Variants in CABYR observed in about 807,000 individuals in gnomAD.
The protein encoded by CABYR is calcium binding tyrosine phosphorylation regulated.
A neutral mutation model predicts 36.1 loss-of-function variants in CABYR; 31 were observed. That is an observed-to-expected ratio of 0.86 (90% CI 0.64 to 1.16). The LOEUF (loss-of-function observed/expected upper bound fraction) is 1.16. CABYR is among the 50% of genes most tolerant of loss of function. CABYR has a pLI of 0.00. For synonymous variants in CABYR, 146 were observed against 160.7 expected (o/e 0.91, Z 0.69); for missense variants, 429 against 455.8 (o/e 0.94, Z 0.53).
At chr18:24,159,320 A>G (rs2085883276) in intron 4 of CABYR, 152 bp from the exon 5 acceptor site, 1 of 633,634 alleles carries the variant, frequency 1.6e-6, no homozygotes, top group Non-Finnish European at 2.8e-6. Flanking sequence ...TTCACCTGTC[A>G]AACACGATTA....
chr18:24,155,508 G>A (rs962902883), intron 3 of CABYR, among the ~76,000 whole-genome samples, 193 bp from the exon 4 acceptor site: 2 of 152,036 alleles, frequency 1.3e-5, no homozygotes, highest in African/African-American at 4.8e-5. Flanking sequence ...GTGGTGGGTA[G>A]AGATGGGGTC....
intron 5 of CABYR, among the ~76,000 whole-genome samples, chr18:24,161,149 C>T (rs1343848576): frequency 2.0e-5 from 3 of 150,560 alleles, no homozygotes; most frequent in Non-Finnish European, 4.4e-5. Context: ...GTGTTATACA[C>T]CAATTAGTTA....
At chr18:24,140,419 A>T (rs1003080102) in intron 1 of CABYR, among the ~76,000 whole-genome samples, 34 of 152,258 alleles carry the variant, frequency 2.2e-4, no homozygotes, top group South Asian at 4.1e-4. Flanking sequence ...CTGATTTTTT[A>T]AAAAATTCTT....
At position 24,156,042 on chromosome 18, in the gene CABYR, G is replaced by C. The variant is rs1212673188; in HGVS notation, c.541G>C (p.Ala181Pro). The change falls in exon 4 of 6, where the codon GCA (alanine) becomes CCA (proline). Residue 181 changes from alanine to proline, a missense_variant and splice_region_variant. Transcript: ENST00000399496. ...DPAQLAAQML[A>P]MATSERGQPP... ...AGCTCAGCTTGCTGCTCAGATGTTAGGTAAAGTTTCATCTATTCATTCTGA... is the reference window on the plus strand; with the variant it reads ...AGCTCAGCTTGCTGCTCAGATGTTACGTAAAGTTTCATCTATTCATTCTGA... The C allele has an allele frequency of 5.0e-6, 8 of 1,614,180 alleles. No individual in the cohort carries two copies. Among genetic ancestry groups the C allele is most frequent in the African/African-American group, 1.3e-5 (1 of 75,056 alleles).
Position 24,149,775 on chromosome 18 carries a change from C to A in CABYR, c.200-5926C>A, listed in dbSNP as rs2085569401. Among the ~76,000 whole-genome samples, 2 of 152,252 alleles carry A rather than the reference C, an allele frequency of 1.3e-5. 1 individual carries two copies. The highest frequency in any genetic ancestry group is 4.1e-4 in the South Asian group (2 of 4,838). On this transcript the variant is annotated intron_variant, in intron 3 of 5. Transcript: ENST00000399496. ...TGGCACTGCTGGGGGACCCAGTACA[C>A]CCTATGCAGCCACTGGCCTGGGTGC...
chr18:24,145,028 T>C (rs2085426190), intron 3 of CABYR, among the ~76,000 whole-genome samples: 1 of 152,246 alleles, frequency 6.6e-6, no homozygotes, highest in African/African-American at 2.4e-5. Context: ...ATAGACCTCA[T>C]GTGCCATATA....
In CABYR at chr18:24,143,359, G is replaced by C; in HGVS notation, c.146-1G>C. ...TTGATTTCCTGTATTGATTCCTTCAGGGAATACTACTATGGATATAAAAGA... is the reference window on the plus strand; with the variant it reads ...TTGATTTCCTGTATTGATTCCTTCACGGAATACTACTATGGATATAAAAGA... On this transcript the variant is annotated splice_acceptor_variant, in intron 2 of 5. Transcript: ENST00000399496. LOFTEE classifies it high-confidence loss of function. 6.3e-7 allele frequency: 1 copy of C among 1,590,184 alleles called. No individual in the cohort carries two copies. The highest frequency in any genetic ancestry group is 8.6e-7 in the Non-Finnish European group (1 of 1,163,702).
chr18:24,154,384 G>C (rs1213605764), intron 3 of CABYR, among the ~76,000 whole-genome samples: 1 of 152,136 alleles, frequency 6.6e-6, no homozygotes, highest in Non-Finnish European at 1.5e-5. Context: ...AGAGGTGAAT[G>C]GTTAGGAAAA....
intron 3 of CABYR, among the ~76,000 whole-genome samples, chr18:24,144,684 CAT>C (rs2145856153): frequency 6.6e-6 from 1 of 152,298 alleles, no homozygotes; most frequent in South Asian, 2.1e-4. Flanking sequence ...CATAAAAGGA[CAT>C]GTGGATCAGA....
At chr18:24,158,320 C>CTT (rs111636953) in intron 4 of CABYR, among the ~76,000 whole-genome samples, 12 of 132,984 alleles carry the variant, frequency 9.0e-5, no homozygotes, top group African/African-American at 2.1e-4. Context: ...AGTATTATTT[C>CTT]TTTTTTTTTT....
At chr18:24,158,975 CAA>C (rs2145886836) in intron 4 of CABYR, among the ~76,000 whole-genome samples, 1 of 152,252 alleles carries the variant, frequency 6.6e-6, no homozygotes, top group African/African-American at 2.4e-5. Context: ...TGTGTGGTAA[CAA>C]ATTAATGGGA....
intron 3 of CABYR, among the ~76,000 whole-genome samples, chr18:24,144,166 G>A (rs568228388): frequency 2.0e-5 from 3 of 152,064 alleles, no homozygotes; most frequent in Admixed American, 2.0e-4. Context: ...CCAAAGTGCT[G>A]GGATTATACC....
rs759360941 is a variant in CABYR at position 24,155,833 on chromosome 18, C to T, written c.332C>T (p.Thr111Ile). 6.2e-7 allele frequency: 1 copy of T among 1,614,138 alleles called. No homozygotes were observed. ...KSTDTDEDNVTRTEYSDKTTQ... is the reference protein window; with the variant it reads ...KSTDTDEDNVIRTEYSDKTTQ... ...ACAGACACAGACGAGGACAATGTAA[C>T]CAGAACAGAATATAGTGACAAAACC... is the stretch of plus-strand genomic sequence containing the variant. Residue 111 changes from threonine to isoleucine, a missense_variant, in exon 4 of 6, where the codon ACC becomes ATC. Coordinates refer to ENST00000399496, the MANE Select transcript of CABYR (RefSeq NM_153769.3).
rs762768239 is a variant in CABYR, at chr18:24,159,985, G to A, written c.1055G>A (p.Cys352Tyr). ...AKKSSGSGDK[C>Y]APFGSYGIAG... The stretch of plus-strand genomic sequence containing the variant: ...AAAAGTTCAGGATCTGGTGACAAAT[G>A]TGCTCCCTTTGGAAGTTACGGTATT... Residue 352 changes from cysteine (C) to tyrosine (Y), a missense_variant, in exon 5 of 6, where the codon TGT becomes TAT. Coordinates refer to ENST00000399496, the MANE Select transcript of CABYR (RefSeq NM_153769.3). The A allele has an allele frequency of 1.9e-5, 31 of 1,614,056 alleles. No individual in the cohort carries two copies. The highest frequency in any genetic ancestry group is 2.5e-5 in the Non-Finnish European group (30 of 1,180,044).
chr18:24,160,231 C>T, intron 5 of CABYR, 162 bp downstream of exon 5: 1 of 609,042 alleles, frequency 1.6e-6, no homozygotes, highest in Non-Finnish European at 2.9e-6. Context: ...TTCCTAAACA[C>T]CAGTTACTAA....
At chr18:24,150,565 A>C (rs950439019) in intron 3 of CABYR, 4 of 983,878 alleles carry the variant, frequency 4.1e-6, no homozygotes. Context: ...TGTTGAATGA[A>C]GAAAGAATGG....
At position 24,157,494 on chromosome 18, in the gene CABYR, G is replaced by A. The variant is rs144049311; in HGVS notation, c.541+1452G>A. 1.2e-4 allele frequency among the ~76,000 whole-genome samples: 19 copies of A among 152,270 alleles called. No individual in the cohort carries two copies. In the East Asian group the frequency reaches 3.7e-3, roughly 29 times the overall value. ...CAGGAGAGCTCTGTAACCAGGTTTG[G>A]GGTGCTGGGCCATGCGTTTGTGTTC... On this transcript the variant is annotated intron_variant, in intron 4 of 5. Transcript: ENST00000399496.
At chr18:24,156,560 T>C (rs1291598838) in intron 4 of CABYR, 2 of 1,614,200 alleles carry the variant, frequency 1.2e-6, no homozygotes, top group Non-Finnish European at 1.7e-6. Flanking sequence ...AGACCACCTC[T>C]GGCATGTCTA....
intron 3 of CABYR, among the ~76,000 whole-genome samples, chr18:24,144,234 G>C (rs1422688176): frequency 6.6e-6 from 1 of 152,044 alleles, no homozygotes; most frequent in Non-Finnish European, 1.5e-5. Context: ...GATATTTTTG[G>C]ATTATCCCAG....
Sources: gnomAD v4.1 joint callset for allele counts (sites outside exome capture counted in the v4.1 genomes callset) on GRCh38, gnomAD v4.1.1 for gene constraint, MANE v1.5 for transcripts, NCBI Gene and HGNC (gene_info 2026-07-23, HGNC 2026-07-21) for gene names.